Variants in LRP2 observed in about 807,000 individuals in gnomAD.
LRP2 encodes the protein LDL receptor related protein 2, also known as low-density lipoprotein receptor-related protein 2.
A neutral mutation model predicts 531.0 loss-of-function variants in LRP2; 172 were observed. The ratio of observed to expected loss-of-function variants is 0.32; its 90% CI spans 0.29 to 0.37. The LOEUF (loss-of-function observed/expected upper bound fraction) is 0.37. LRP2 is among the 10% of genes least tolerant of loss of function. LRP2 has a pLI of 1.00. For missense variants in LRP2, 5,167 were observed against 5,868.3 expected, an observed-to-expected ratio of 0.88 and a Z score of 3.90; for synonymous variants, 1,992 against 2,027.6, an observed-to-expected ratio of 0.98 and a Z score of 0.47.
chr2:169,193,740 G>T (rs1275803750), intron 47 of LRP2, 21 bp downstream of exon 47: 1 of 1,614,068 alleles, frequency 6.2e-7, no homozygotes, highest in Non-Finnish European at 8.5e-7. Flanking sequence ...CTCTGCAGAG[G>T]AATTAATTGG....
chr2:169,220,485 G>C lies in LRP2; in HGVS notation c.5617C>G (p.Pro1873Ala), dbSNP rs1574147736. ...GCAGGATCAACAGTTATGCCAATTGGAAAGCCAACTCCAAGAGCTGTCCCA... is the reference window on the plus strand; with the variant it reads ...GCAGGATCAACAGTTATGCCAATTGCAAAGCCAACTCCAAGAGCTGTCCCA... ...NDGTALGVGFPIGITVDPARG... is the reference protein window; with the variant it reads ...NDGTALGVGFAIGITVDPARG... The change falls in exon 34 of 79, where the codon CCA (proline) becomes GCA (alanine). Residue 1873 changes from proline (P) to alanine (A), a missense_variant. This residue lies in a region of LRP2 where 2,811 missense variants were observed against 3,058.0 expected (regional missense o/e 0.92). Transcript: ENST00000649046. The C allele has an allele frequency of 1.2e-6, 2 of 1,613,614 alleles. No individual in the cohort carries two copies. Among genetic ancestry groups the C allele is most frequent in the Non-Finnish European group, 1.7e-6 (2 of 1,179,676 alleles).
rs567716560 is a variant in LRP2 at position 169,355,219 on chromosome 2, T to C, written c.79+7102A>G. 7.2e-5 allele frequency among the ~76,000 whole-genome samples: 11 copies of C among 152,324 alleles called. No individual in the cohort carries two copies. The East Asian group carries it at 1.9e-3, about 27-fold the overall frequency. ...TGCAACATGGTCACATGGGCACAGA[T>C]CACCATGTCTTTTTTCTTAATGTTT... On this transcript the variant is annotated intron_variant, in intron 1 of 78. Transcript: ENST00000649046.
chr2:169,220,444 G>A lies in LRP2; in HGVS notation c.5648+10C>T, dbSNP rs2105352933. The A allele has an allele frequency of 6.3e-7, 1 of 1,599,892 alleles. No homozygotes were observed. The highest frequency in any genetic ancestry group is 1.7e-4 in the Middle Eastern group (1 of 6,038). On this transcript the variant is annotated intron_variant, in intron 34 of 78. Coordinates refer to ENST00000649046, the MANE Select transcript of LRP2 (RefSeq NM_004525.3). ...TGCATGGAAGACACGTGCCATTTATGAATACTCACCCACGAGCAGGATCAA... is the reference window on the plus strand; with the variant it reads ...TGCATGGAAGACACGTGCCATTTATAAATACTCACCCACGAGCAGGATCAA...
chr2:169,237,229 T>C lies in LRP2; in HGVS notation c.4565A>G (p.Asn1522Ser), dbSNP rs780822484. 1.2e-6 allele frequency: 2 copies of C among 1,613,968 alleles called. No individual in the cohort carries two copies. The highest frequency in any genetic ancestry group is 8.5e-7 in the Non-Finnish European group (1 of 1,179,890). ...ETIAIDWVGR[N>S]LYWTDYALET... ...CAGAGCATAGTCTGTCCAGTAAAGA[T>C]TACGACCTACCCAATCTATTGCAAT... is the stretch of plus-strand genomic sequence containing the variant. Residue 1522 changes from asparagine (N) to serine (S), a missense_variant, in exon 28 of 79, where the codon AAT becomes AGT. By Grantham distance (46) the Asn-to-Ser change is conservative (BLOSUM62 1). Transcript: ENST00000649046.
At chr2:169,345,960 CTG>C (rs1685688188) in intron 1 of LRP2, among the ~76,000 whole-genome samples, 1 of 152,218 alleles carries the variant, frequency 6.6e-6, no homozygotes, top group South Asian at 2.1e-4. Flanking sequence ...TCCCAGGTCA[CTG>C]TGACAAGTCA....
intron 9 of LRP2, among the ~76,000 whole-genome samples, chr2:169,284,389 C>T (rs1426591877): frequency 2.0e-5 from 3 of 149,972 alleles, no homozygotes; most frequent in Non-Finnish European, 4.4e-5. Context: ...CTCAGCCTAC[C>T]GAGTAGCTGG....
At chr2:169,159,184 A>G (rs559962326) in intron 63 of LRP2, among the ~76,000 whole-genome samples, 85 of 152,268 alleles carry the variant, frequency 5.6e-4, no homozygotes, top group African/African-American at 1.9e-3. Flanking sequence ...AGCTTCATCT[A>G]CCTCTCAAAT....
At chr2:169,338,039 T>C (rs937696894) in intron 1 of LRP2, among the ~76,000 whole-genome samples, 4 of 151,772 alleles carry the variant, frequency 2.6e-5, no homozygotes, top group African/African-American at 9.7e-5. Context: ...CCCGGGAGTT[T>C]GAAGCTACAG....
intron 68 of LRP2, among the ~76,000 whole-genome samples, chr2:169,147,305 G>A (rs747364388): frequency 6.6e-6 from 1 of 152,080 alleles, no homozygotes; most frequent in Non-Finnish European, 1.5e-5. Flanking sequence ...TCTGTGTTTG[G>A]GATCTATCAG....
chr2:169,330,491 C>A (rs1685236018), intron 1 of LRP2, among the ~76,000 whole-genome samples: 1 of 152,150 alleles, frequency 6.6e-6, no homozygotes, highest in Admixed American at 6.5e-5. Flanking sequence ...TTACATCCCA[C>A]TTGTTTTTTC....
intron 10 of LRP2, 133 bp from the exon 11 acceptor site, chr2:169,280,652 T>A (rs1194232439): frequency 3.3e-6 from 3 of 906,552 alleles, no homozygotes; most frequent in Non-Finnish European, 5.2e-6. Flanking sequence ...AACATAAACC[T>A]CTGAGGCAGA....
At chr2:169,233,985 T>C (rs1386703440) in intron 29 of LRP2, among the ~76,000 whole-genome samples, 1 of 152,168 alleles carries the variant, frequency 6.6e-6, no homozygotes, top group African/African-American at 2.4e-5. Context: ...CACTCCACCA[T>C]CAGCACACTT....
intron 4 of LRP2, among the ~76,000 whole-genome samples, chr2:169,300,471 TA>T (rs1026019369): frequency 2.0e-5 from 3 of 151,980 alleles, no homozygotes; most frequent in African/African-American, 7.2e-5. Context: ...ATCACATATG[TA>T]AAAAAAATTT....
chr2:169,299,139 GAAAGAAAGAAAGAAAGAAAAAA>G (rs1559063960), intron 4 of LRP2, among the ~76,000 whole-genome samples: 5 of 57,246 alleles, frequency 8.7e-5, no homozygotes, highest in African/African-American at 1.2e-4. Context: ...AAGAAAGAAA[GAAAGAAAGAAAGAAAGAAAAAA>G]AGAAAGAAAG....
intron 23 of LRP2, 82 bp downstream of exon 23, chr2:169,243,321 G>C (rs1574172483): frequency 6.5e-7 from 1 of 1,537,522 alleles, no homozygotes; most frequent in Non-Finnish European, 9.0e-7. Flanking sequence ...GGTGTGTGAT[G>C]TTCCCCTCCC....
chr2:169,295,291 C>T (rs952429522), intron 4 of LRP2, among the ~76,000 whole-genome samples: 4 of 152,198 alleles, frequency 2.6e-5, no homozygotes, highest in African/African-American at 9.7e-5. Context: ...CCTATCTGCA[C>T]ATTTGGATAA....
chr2:169,193,173 T>A (rs1170828994), intron 47 of LRP2, among the ~76,000 whole-genome samples: 1 of 152,066 alleles, frequency 6.6e-6, no homozygotes, highest in East Asian at 1.9e-4. Context: ...ATGCTTGTAA[T>A]CCCAGCACTT....
intron 6 of LRP2, 130 bp from the exon 7 acceptor site, chr2:169,292,499 C>T: frequency 1.5e-6 from 1 of 685,388 alleles, no homozygotes; most frequent in Non-Finnish European, 2.6e-6. Context: ...CCTTAGACAT[C>T]TTGACAAAAA....
intron 9 of LRP2, among the ~76,000 whole-genome samples, chr2:169,285,722 C>G (rs1253275195): frequency 6.6e-6 from 1 of 152,148 alleles, no homozygotes; most frequent in Non-Finnish European, 1.5e-5. Context: ...TGTCAACAAA[C>G]AGCATGTCCT....
Sources: allele counts gnomAD v4.1 joint callset (sites outside exome capture counted in the v4.1 genomes callset), GRCh38; gene constraint gnomAD v4.1.1; regional missense constraint gnomAD v4.1.1; transcripts MANE v1.5; gene names NCBI Gene and HGNC (gene_info 2026-07-23, HGNC 2026-07-21).